DIAPH3: variants seen among roughly 807,000 people sequenced by gnomAD.
DIAPH3 encodes the protein protein diaphanous homolog 3.
A neutral mutation model predicts 144.3 loss-of-function variants in DIAPH3; 117 were observed. The observed-to-expected ratio is 0.81, with a 90% CI of 0.70 to 0.95. The LOEUF is 0.95. DIAPH3 is among the 40% of genes least tolerant of loss of function. The pLI is 0.00. For missense variants in DIAPH3, 1,421 were observed against 1,412.7 expected (o/e 1.01, Z -0.09); for synonymous variants, 519 against 488.9 (o/e 1.06, Z -0.81).
chr13:59,749,060 G>C (rs1324585696), intron 27 of DIAPH3, among the ~76,000 whole-genome samples: 2 of 151,206 alleles, frequency 1.3e-5, no homozygotes, highest in Non-Finnish European at 2.9e-5. Context: ...CTGAGAGTGA[G>C]ATAGTTAGCC....
chr13:59,881,918 G>A (rs571548925), intron 20 of DIAPH3, among the ~76,000 whole-genome samples: 61 of 152,088 alleles, frequency 4.0e-4, no homozygotes, highest in Non-Finnish European at 7.5e-4. Context: ...AAATTATTGA[G>A]TGGGAAAAGA....
chr13:59,870,389 T>G (rs2044184991), intron 21 of DIAPH3, among the ~76,000 whole-genome samples: 1 of 152,080 alleles, frequency 6.6e-6, no homozygotes, highest in Admixed American at 6.6e-5. Flanking sequence ...TTATACTAAG[T>G]CTGGAAGTCA....
chr13:59,832,510 C>A (rs1449990604), intron 24 of DIAPH3, among the ~76,000 whole-genome samples: 2 of 151,804 alleles, frequency 1.3e-5, no homozygotes, highest in African/African-American at 2.4e-5. Context: ...AGGGAGGCAA[C>A]AATGCCTTCT....
chr13:60,068,320 C>T (rs542216461), intron 4 of DIAPH3, among the ~76,000 whole-genome samples: 2 of 152,246 alleles, frequency 1.3e-5, no homozygotes, highest in South Asian at 4.1e-4. Context: ...CATCACAGTT[C>T]CACCAGCCAT....
intron 9 of DIAPH3, 50 bp downstream of exon 9, chr13:60,008,494 A>G: frequency 8.1e-7 from 1 of 1,234,448 alleles, no homozygotes; most frequent in Non-Finnish European, 1.2e-6. Context: ...AAACCGTTAA[A>G]AGTAATATAT....
intron 21 of DIAPH3, among the ~76,000 whole-genome samples, chr13:59,877,210 T>G (rs2044686255): frequency 1.3e-5 from 2 of 152,166 alleles, no homozygotes; most frequent in African/African-American, 2.4e-5. Flanking sequence ...CATTCTCTTT[T>G]GAGCAACCAC....
At chr13:60,013,444 G>A (rs1436044902) in intron 7 of DIAPH3, 1 of 152,714 alleles carries the variant, frequency 6.5e-6, no homozygotes, top group African/African-American at 2.4e-5. Context: ...CCGCACCTTG[G>A]GTGCACTCTT....
At chr13:59,718,647 T>C (rs1425607579) in intron 27 of DIAPH3, among the ~76,000 whole-genome samples, 1 of 152,204 alleles carries the variant, frequency 6.6e-6, no homozygotes, top group Non-Finnish European at 1.5e-5. Flanking sequence ...GAAACATTAA[T>C]ATTAACACAT....
intron 1 of DIAPH3, among the ~76,000 whole-genome samples, chr13:60,154,066 A>G (rs967913905): frequency 7.2e-5 from 11 of 152,154 alleles, no homozygotes; most frequent in African/African-American, 2.7e-4. Flanking sequence ...AACTAAGAAC[A>G]GAATGGCTCT....
intron 25 of DIAPH3, among the ~76,000 whole-genome samples, chr13:59,810,037 T>C (rs1190770636): frequency 1.3e-5 from 2 of 152,096 alleles, no homozygotes; most frequent in South Asian, 2.1e-4. Flanking sequence ...GAAATACATA[T>C]ATACATATGT....
intron 12 of DIAPH3, among the ~76,000 whole-genome samples, chr13:59,989,280 A>G (rs1261102845): frequency 6.6e-6 from 1 of 151,894 alleles, no homozygotes; most frequent in Non-Finnish European, 1.5e-5. Context: ...ATGTAAATAA[A>G]TAAAATTTTA....
intron 2 of DIAPH3, among the ~76,000 whole-genome samples, chr13:60,114,612 A>C (rs2058654195): frequency 1.3e-5 from 2 of 150,288 alleles, no homozygotes; most frequent in Non-Finnish European, 3.0e-5. Context: ...AGATCCAAGA[A>C]GCTCAGCAAA....
chr13:59,869,755 C>T (rs1667278933), intron 21 of DIAPH3, among the ~76,000 whole-genome samples: 1 of 152,164 alleles, frequency 6.6e-6, no homozygotes, highest in South Asian at 2.1e-4. Context: ...TTAATCCCTT[C>T]AATATCTTTT....
intron 2 of DIAPH3, among the ~76,000 whole-genome samples, chr13:60,126,485 G>A (rs1209101063): frequency 1.3e-5 from 2 of 152,130 alleles, no homozygotes; most frequent in East Asian, 3.9e-4. Flanking sequence ...AAAACCAATC[G>A]AACGGGAAAA....
At chr13:59,903,251 A>G (rs577545156) in intron 20 of DIAPH3, among the ~76,000 whole-genome samples, 2 of 152,240 alleles carry the variant, frequency 1.3e-5, no homozygotes, top group Non-Finnish European at 2.9e-5. Context: ...GGACATTTGC[A>G]AAGCTTTGAA....
intron 20 of DIAPH3, among the ~76,000 whole-genome samples, chr13:59,892,796 G>C (rs1027968348): frequency 6.6e-6 from 1 of 151,974 alleles, no homozygotes; most frequent in African/African-American, 2.4e-5. Context: ...TGAATAACCA[G>C]ATTAAATTAA....
At chr13:59,940,537 A>C (rs186855646) in intron 17 of DIAPH3, among the ~76,000 whole-genome samples, 78 of 152,304 alleles carry the variant, frequency 5.1e-4, no homozygotes, top group Admixed American at 1.4e-3. Context: ...AAAATGTTTG[A>C]ATAAATCATA....
intron 17 of DIAPH3, among the ~76,000 whole-genome samples, chr13:59,966,584 G>A (rs1270765770): frequency 6.6e-6 from 1 of 152,090 alleles, no homozygotes; most frequent in African/African-American, 2.4e-5. Context: ...CTAAACATTA[G>A]AAGTCCTGAA....
At chr13:59,955,348 A>G (rs2049338177) in intron 17 of DIAPH3, among the ~76,000 whole-genome samples, 1 of 151,938 alleles carries the variant, frequency 6.6e-6, no homozygotes, top group Admixed American at 6.6e-5. Flanking sequence ...ATGAGAGCTG[A>G]TATTTTTATA....
Sources: allele counts gnomAD v4.1 joint callset (sites outside exome capture counted in the v4.1 genomes callset), GRCh38; gene constraint gnomAD v4.1.1; transcripts MANE v1.5; gene names NCBI Gene and HGNC (gene_info 2026-07-23, HGNC 2026-07-21).